The following KIRREL3 variants were observed in gnomAD, a reference collection of about 807,000 sequenced individuals.
KIRREL3 encodes the protein kin of IRRE-like protein 3.
In KIRREL3, 36 loss-of-function variants were observed where a neutral mutation model predicts 89.7. The observed-to-expected ratio is 0.40, with a 90% confidence interval of 0.31 to 0.53. KIRREL3 has a LOEUF of 0.53. KIRREL3 is among the 20% of genes least tolerant of loss of function. The probability of loss-of-function intolerance (pLI) is 0.49; values close to 1 mark genes in which losing one functional copy is unlikely to be tolerated. For synonymous variants in KIRREL3, 445 were observed against 441.4 expected, an observed-to-expected ratio of 1.01 and a Z score of -0.10; for missense variants, 864 against 1,056.6, an observed-to-expected ratio of 0.82 and a Z score of 2.53.
chr11:126,639,103 A>T lies in KIRREL3; in HGVS notation c.56-76191T>A, dbSNP rs1305531533. ...TGCCAAAGTTTCCAGTTTCTTCATG[A>T]CTTGGCCAGCCCCCCAATCATCCCA... is the stretch of plus-strand genomic sequence containing the variant. On this transcript the variant is annotated intron_variant, in intron 1 of 16. Coordinates refer to ENST00000525144, the MANE Select transcript of KIRREL3 (RefSeq NM_032531.4). The surrounding 1 kb of genome is among the most constrained non-coding windows in gnomAD (Gnocchi z 4.3). Among the ~76,000 whole-genome samples, 1 of 152,078 alleles carries T rather than the reference A, an allele frequency of 6.6e-6. No homozygotes were observed. Among genetic ancestry groups the T allele is most frequent in the Non-Finnish European group, 1.5e-5 (1 of 68,006 alleles).
Position 126,987,816 on chromosome 11 carries a change from T to G in KIRREL3, c.55+12639A>C, listed in dbSNP as rs552322575. On this transcript the variant is annotated intron_variant, in intron 1 of 16. Coordinates refer to ENST00000525144, the MANE Select transcript of KIRREL3 (RefSeq NM_032531.4). The surrounding 1 kb of genome is among the most constrained non-coding windows in gnomAD (Gnocchi z 4.6). Reference sequence around the variant, plus strand: ...ACTTTCATGTTTTGCTAGTTTATCATAAGTGTCTATCTTAAACCAATATTA... The same window carrying G: ...ACTTTCATGTTTTGCTAGTTTATCAGAAGTGTCTATCTTAAACCAATATTA... Among the ~76,000 whole-genome samples the G allele has an allele frequency of 6.6e-6, 1 of 152,246 alleles. No homozygotes were observed. Among genetic ancestry groups the G allele is most frequent in the African/African-American group, 2.4e-5 (1 of 41,468 alleles).
rs1006675561 is a variant in KIRREL3 at position 126,903,134 on chromosome 11, C to G, written c.55+97321G>C. Among the ~76,000 whole-genome samples the G allele has an allele frequency of 6.6e-6, 1 of 152,164 alleles. No homozygotes were observed. Among genetic ancestry groups the G allele is most frequent in the Non-Finnish European group, 1.5e-5 (1 of 68,032 alleles). ...AAGAATAGCTGTGGTAAAGCACTCT[C>G]TCAGGCACAAATATGCTTCTGATTT... On this transcript the variant is annotated intron_variant, in intron 1 of 16. Coordinates refer to ENST00000525144, the MANE Select transcript of KIRREL3 (RefSeq NM_032531.4). This position sits in a 1 kb window ranked among gnomAD's most constrained non-coding sequence, Gnocchi z 4.5.
chr11:126,701,912 G>C (rs939425834), intron 1 of KIRREL3, among the ~76,000 whole-genome samples: 3 of 152,212 alleles, frequency 2.0e-5, no homozygotes, highest in African/African-American at 7.2e-5. Flanking sequence ...TGCTAGTCAA[G>C]TCCCGGGGTC....
rs972304047 is a variant in KIRREL3, at chr11:126,428,538, C to T, written c.1806+641G>A. Among the ~76,000 whole-genome samples, 4 of 150,518 alleles carry T rather than the reference C, an allele frequency of 2.7e-5. No homozygotes were observed. The highest frequency in any genetic ancestry group is 4.2e-4 in the South Asian group (2 of 4,768). On this transcript the variant is annotated intron_variant, in intron 15 of 16. Coordinates refer to ENST00000525144, the MANE Select transcript of KIRREL3 (RefSeq NM_032531.4). The surrounding 1 kb of genome is among the most constrained non-coding windows in gnomAD (Gnocchi z 6.4). The stretch of plus-strand genomic sequence containing the variant: ...TCTATAATAGCTATGTGTGTGTGTG[C>T]GGGGGAGGGGAGGGGATTATATGTT...
In KIRREL3 at chr11:126,455,110, A is replaced by G. The variant is rs1956293938; in HGVS notation, c.848+1239T>C. 6.6e-6 allele frequency among the ~76,000 whole-genome samples: 1 copy of G among 152,096 alleles called. No homozygotes were observed. The highest frequency in any genetic ancestry group is 1.5e-5 in the Non-Finnish European group (1 of 68,028). The stretch of plus-strand genomic sequence containing the variant: ...TATTTCCTAGGCTGGCACCATTAAC[A>G]TCCTTGGCCTTTGCAGATGCTGCAG... On this transcript the variant is annotated intron_variant, in intron 7 of 16. Coordinates refer to ENST00000525144, the MANE Select transcript of KIRREL3 (RefSeq NM_032531.4). This position sits in a 1 kb window ranked among gnomAD's most constrained non-coding sequence, Gnocchi z 6.4.
intron 1 of KIRREL3, among the ~76,000 whole-genome samples, chr11:126,792,010 C>A (rs1056726824): frequency 6.6e-6 from 1 of 152,188 alleles, no homozygotes; most frequent in East Asian, 1.9e-4. Flanking sequence ...TTTCCTGGTG[C>A]CTCTGCCGAC....
rs372760361 is a variant in KIRREL3, at chr11:126,843,241, T to C, written c.55+157214A>G. Among the ~76,000 whole-genome samples, 15 of 152,316 alleles carry C rather than the reference T, an allele frequency of 9.8e-5. No individual in the cohort carries two copies. The highest frequency in any genetic ancestry group is 3.4e-4 in the African/African-American group (14 of 41,558). On this transcript the variant is annotated intron_variant, in intron 1 of 16. Coordinates refer to ENST00000525144, the MANE Select transcript of KIRREL3 (RefSeq NM_032531.4). This position sits in a 1 kb window ranked among gnomAD's most constrained non-coding sequence, Gnocchi z 4.6. ...AAAAAAACACTAATGGAAAACCCAC[T>C]GATGCAGTTCAAACTGTGTCCCCAT...
chr11:126,559,537 G>A (rs1565550903), intron 2 of KIRREL3, among the ~76,000 whole-genome samples: 1 of 108,754 alleles, frequency 9.2e-6, no homozygotes, highest in Non-Finnish European at 1.8e-5. Flanking sequence ...CAGCTGCTGT[G>A]ATGAGCACAG....
rs572078017 is a variant in KIRREL3 at position 126,763,974 on chromosome 11, C to A, written c.56-201062G>T. ...CTTTTTTCCCCCACAACTCTGCATTCCCCTCCCCATCCACAGCATAGTTCT... is the reference window on the plus strand; with the variant it reads ...CTTTTTTCCCCCACAACTCTGCATTACCCTCCCCATCCACAGCATAGTTCT... On this transcript the variant is annotated intron_variant, in intron 1 of 16. Coordinates refer to ENST00000525144, the MANE Select transcript of KIRREL3 (RefSeq NM_032531.4). The surrounding 1 kb of genome is among the most constrained non-coding windows in gnomAD (Gnocchi z 4.7). 6.6e-6 allele frequency among the ~76,000 whole-genome samples: 1 copy of A among 152,264 alleles called. No homozygotes were observed. The highest frequency in any genetic ancestry group is 1.9e-4 in the East Asian group (1 of 5,178).
intron 1 of KIRREL3, among the ~76,000 whole-genome samples, chr11:126,756,049 G>A (rs966532165): frequency 6.6e-6 from 1 of 152,264 alleles, no homozygotes; most frequent in Admixed American, 6.5e-5. Context: ...ATTGAGAGTG[G>A]CAGCTTTAGA....
Position 126,906,683 on chromosome 11 carries a change from A to T in KIRREL3, c.55+93772T>A, listed in dbSNP as rs539426033. On this transcript the variant is annotated intron_variant, in intron 1 of 16. Coordinates refer to ENST00000525144, the MANE Select transcript of KIRREL3 (RefSeq NM_032531.4). This position sits in a 1 kb window ranked among gnomAD's most constrained non-coding sequence, Gnocchi z 4.1. ...AAATCAGGACTAGCATTAAACCCAGAAGATGTGAACTGCACGCATTATAAG... is the reference window on the plus strand; with the variant it reads ...AAATCAGGACTAGCATTAAACCCAGTAGATGTGAACTGCACGCATTATAAG... Among the ~76,000 whole-genome samples, 6 of 152,298 alleles carry T rather than the reference A, an allele frequency of 3.9e-5. No individual in the cohort carries two copies. In the East Asian group the frequency reaches 7.7e-4, roughly 20 times the overall value.
intron 6 of KIRREL3, among the ~76,000 whole-genome samples, chr11:126,457,180 A>G: frequency 1.0e-5 from 1 of 98,330 alleles, no homozygotes; most frequent in Non-Finnish European, 2.2e-5. Flanking sequence ...AGAGGAAGAG[A>G]GATTATGTGT....
Position 126,523,626 on chromosome 11 carries a change from G to T in KIRREL3, c.284-2162C>A, listed in dbSNP as rs1383432004. 6.6e-6 allele frequency among the ~76,000 whole-genome samples: 1 copy of T among 152,126 alleles called. No homozygotes were observed. Among genetic ancestry groups the T allele is most frequent in the Admixed American group, 6.5e-5 (1 of 15,278 alleles). On this transcript the variant is annotated intron_variant, in intron 3 of 16. Transcript: ENST00000525144. This position sits in a 1 kb window ranked among gnomAD's most constrained non-coding sequence, Gnocchi z 4.9. ...GCCCACACTTCCCGCCTTCTGCTGG[G>T]CTTTGGGAATGAGCCCAGGTAAGTT... is the stretch of plus-strand genomic sequence containing the variant.
At chr11:126,847,663 T>C (rs1244358376) in intron 1 of KIRREL3, among the ~76,000 whole-genome samples, 1 of 152,160 alleles carries the variant, frequency 6.6e-6, no homozygotes, top group Non-Finnish European at 1.5e-5. Flanking sequence ...TCTGAAGTAA[T>C]CTTTTTTAAC....
intron 1 of KIRREL3, among the ~76,000 whole-genome samples, chr11:126,732,782 G>A (rs1948672708): frequency 6.6e-6 from 1 of 152,206 alleles, no homozygotes; most frequent in South Asian, 2.1e-4. Flanking sequence ...GGAGAATTTG[G>A]GATCTAACCC....
At position 126,687,901 on chromosome 11, in the gene KIRREL3, C is replaced by G. The variant is rs1284260211; in HGVS notation, c.56-124989G>C. 6.6e-6 allele frequency among the ~76,000 whole-genome samples: 1 copy of G among 152,042 alleles called. No individual in the cohort carries two copies. The highest frequency in any genetic ancestry group is 1.5e-5 in the Non-Finnish European group (1 of 68,016). On this transcript the variant is annotated intron_variant, in intron 1 of 16. Coordinates refer to ENST00000525144, the MANE Select transcript of KIRREL3 (RefSeq NM_032531.4). The surrounding 1 kb of genome is among the most constrained non-coding windows in gnomAD (Gnocchi z 4.6). The stretch of plus-strand genomic sequence containing the variant: ...AGCGAGGGAGAAAGCCCTCCTAGGC[C>G]CGAAGCAGCAAAAGAAAGCATCTAG...
At chr11:126,444,662 G>T (rs531512534) in intron 10 of KIRREL3, among the ~76,000 whole-genome samples, 3 of 152,238 alleles carry the variant, frequency 2.0e-5, no homozygotes, top group South Asian at 2.1e-4. Flanking sequence ...GGGTGGACAC[G>T]TTGGCCACCT....
chr11:126,644,310 G>A (rs574947109), intron 1 of KIRREL3, among the ~76,000 whole-genome samples: 2 of 152,318 alleles, frequency 1.3e-5, no homozygotes, highest in East Asian at 1.9e-4. Flanking sequence ...GCCACCAAGG[G>A]AAGTGGGAAA....
chr11:126,866,013 A>G (rs1944906259), intron 1 of KIRREL3, among the ~76,000 whole-genome samples: 1 of 152,152 alleles, frequency 6.6e-6, no homozygotes, highest in Non-Finnish European at 1.5e-5. Flanking sequence ...CCCAATACAC[A>G]GGGAAGGGAT....
Sources: gnomAD v4.1 joint callset for allele counts (sites outside exome capture counted in the v4.1 genomes callset) on GRCh38, gnomAD v4.1.1 for gene constraint, Gnocchi (gnomAD v3.1) non-coding constraint, MANE v1.5 for transcripts, NCBI Gene and HGNC (gene_info 2026-07-23, HGNC 2026-07-21) for gene names.